Variants in SF3B3 observed in about 807,000 individuals in gnomAD.
SF3B3 encodes SAP 130.
SF3B3 carries 33 observed loss-of-function variants against 139.2 expected under a neutral mutation model. That is an observed-to-expected ratio of 0.24 (90% confidence interval 0.18 to 0.32). The LOEUF (loss-of-function observed/expected upper bound fraction) is 0.32. SF3B3 is among the 10% of genes least tolerant of loss of function. The pLI is 1.00. For synonymous variants in SF3B3, 596 were observed against 563.6 expected, an observed-to-expected ratio of 1.06 and a Z score of -0.81; for missense variants, 818 against 1,509.4, an observed-to-expected ratio of 0.54 and a Z score of 7.59.
At chr16:70,558,423 TTAATGTTTTATTA>T (rs2151790454) in intron 15 of SF3B3, among the ~76,000 whole-genome samples, 1 of 152,244 alleles carries the variant, frequency 6.6e-6, no homozygotes, top group Admixed American at 6.5e-5. Context: ...CTGGCCAGTT[TTAATGTTTTATTA>T]ACTCTGTATA....
intron 11 of SF3B3, chr16:70,554,241 G>T (rs972341091): frequency 7.2e-5 from 33 of 457,762 alleles, no homozygotes; most frequent in Admixed American, 2.3e-4. Context: ...TATTGAGGAA[G>T]CAGAGTATAT....
chr16:70,561,578 T>C lies in SF3B3; in HGVS notation c.2134-52T>C, dbSNP rs2050429337. 6 of 1,555,876 alleles carry C rather than the reference T, an allele frequency of 3.9e-6. No individual in the cohort carries two copies. The South Asian group carries it at 6.9e-5, about 18-fold the overall frequency. On this transcript the variant is annotated intron_variant, in intron 16 of 25. Coordinates refer to ENST00000302516, the MANE Select transcript of SF3B3 (RefSeq NM_012426.5). ...GGGCTTTTGGTCAGCTTATACCATA[T>C]TTGTATTTTTTCCCAAACCTTATTG...
chr16:70,551,348 A>G (rs1185179874), intron 11 of SF3B3, among the ~76,000 whole-genome samples: 1 of 152,160 alleles, frequency 6.6e-6, no homozygotes, highest in African/African-American at 2.4e-5. Flanking sequence ...TGCAGTGTGG[A>G]TGGTACAGTT....
At position 70,571,846 on chromosome 16, in the gene SF3B3, T is replaced by C. The variant is rs1206436372; in HGVS notation, c.*33T>C. 1.3e-6 allele frequency: 2 copies of C among 1,582,932 alleles called. No homozygotes were observed. Among genetic ancestry groups the C allele is most frequent in the Non-Finnish European group, 1.7e-6 (2 of 1,166,478 alleles). ...TTTCCCGGTGGGGCTTGCCAGAGACTGTGTGTTTTGTTTCCCCCACCACCA... is the reference window on the plus strand; with the variant it reads ...TTTCCCGGTGGGGCTTGCCAGAGACCGTGTGTTTTGTTTCCCCCACCACCA... On this transcript the variant is annotated 3_prime_UTR_variant, in exon 26 of 26. Transcript: ENST00000302516.
intron 13 of SF3B3, among the ~76,000 whole-genome samples, chr16:70,555,958 A>T (rs1408029572): frequency 6.6e-6 from 1 of 152,180 alleles, no homozygotes; most frequent in African/African-American, 2.4e-5. Flanking sequence ...TCTCTTATTG[A>T]TGGAAGATAC....
In SF3B3 at chr16:70,555,069, C is replaced by T; in HGVS notation, c.1573C>T (p.Arg525Trp). ...ALVQVYPDGI[R>W]HIRADKRVNE... ...ACTCTAGGTCTATCCAGATGGCATT[C>T]GGCACATACGAGCAGACAAGAGAGT... Residue 525 changes from arginine (R) to tryptophan (W), a missense_variant, in exon 13 of 26, where the codon CGG (arginine) becomes TGG (tryptophan). Physicochemically the swap from Arg to Trp is moderately radical, Grantham distance 101. This residue lies in a region of SF3B3 where 170 missense variants were observed against 353.0 expected (regional missense o/e 0.48). Coordinates refer to ENST00000302516, the MANE Select transcript of SF3B3 (RefSeq NM_012426.5). The T allele has an allele frequency of 6.2e-7, 1 of 1,613,910 alleles. No homozygotes were observed. The highest frequency in any genetic ancestry group is 8.5e-7 in the Non-Finnish European group (1 of 1,179,906).
chr16:70,559,759 T>C (rs1350494110), intron 15 of SF3B3, among the ~76,000 whole-genome samples: 1 of 150,968 alleles, frequency 6.6e-6, no homozygotes, highest in African/African-American at 2.4e-5. Context: ...ACATTTGTGC[T>C]GAAAACTCCT....
Position 70,567,486 on chromosome 16 carries a change from C to G in SF3B3, c.2902C>G (p.Arg968Gly), listed in dbSNP as rs2050487941. Residue 968 changes from arginine to glycine, a missense_variant, in exon 21 of 26, where the codon CGT (arginine) becomes GGT (glycine). Coordinates refer to ENST00000302516, the MANE Select transcript of SF3B3 (RefSeq NM_012426.5). ...RVLIGVGKLL[R>G]VYDLGKKKLL... ...GTTGATTGGTGTGGGGAAGCTGTTG[C>G]GTGTCTATGACCTGGGAAAGAAGAA... The G allele has an allele frequency of 6.2e-7, 1 of 1,613,760 alleles. No individual in the cohort carries two copies. Among genetic ancestry groups the G allele is most frequent in the African/African-American group, 1.3e-5 (1 of 74,836 alleles).
rs1304673694 is a variant in SF3B3 at position 70,572,606 on chromosome 16, A to G, written c.*793A>G. The G allele has an allele frequency of 6.5e-6, 1 of 154,766 alleles. No individual in the cohort carries two copies. The highest frequency in any genetic ancestry group is 1.4e-5 in the Non-Finnish European group (1 of 70,038). The allele number at this position is 154,766 out of a possible 1,614,324, so 9.6% of individuals were successfully genotyped here. ...AGGATGTTAGTATGGGGATTTTAGC[A>G]TGAATTCTAGCTGGGGAGTCTTAAC... On this transcript the variant is annotated 3_prime_UTR_variant, in exon 26 of 26. Transcript: ENST00000302516.
rs749691903 is a variant in SF3B3 at position 70,564,063 on chromosome 16, A to G, written c.2463+13A>G. On this transcript the variant is annotated intron_variant, in intron 18 of 25. Coordinates refer to ENST00000302516, the MANE Select transcript of SF3B3 (RefSeq NM_012426.5). Reference sequence around the variant, plus strand: ...GCAGATGGCAGAGGTAATGAGACTAACGTTCAGGGGTTCTATTAAAAGATG... The same window carrying G: ...GCAGATGGCAGAGGTAATGAGACTAGCGTTCAGGGGTTCTATTAAAAGATG... The G allele has an allele frequency of 5.6e-6, 9 of 1,612,014 alleles. No individual in the cohort carries two copies. Among genetic ancestry groups the G allele is most frequent in the Admixed American group, 5.0e-5 (3 of 59,676 alleles).
chr16:70,557,066 C>T (rs781642851), intron 15 of SF3B3, 37 bp downstream of exon 15: 1 of 1,557,484 alleles, frequency 6.4e-7, no homozygotes, highest in Non-Finnish European at 8.7e-7. Flanking sequence ...GGACATTAGG[C>T]CTTCTGTACG....
chr16:70,549,588 C>T (rs909007629), intron 11 of SF3B3, among the ~76,000 whole-genome samples: 3 of 152,070 alleles, frequency 2.0e-5, no homozygotes, highest in Non-Finnish European at 4.4e-5. Flanking sequence ...CTATTGTGTT[C>T]TTTCTTTTTT....
intron 20 of SF3B3, among the ~76,000 whole-genome samples, chr16:70,566,113 CA>C (rs112893145): frequency 0.06 from 7,000 of 117,284 alleles, 194 homozygotes; most frequent in Non-Finnish European, 0.081. Flanking sequence ...GTGAGACTGT[CA>C]AAAAAAAAAA....
intron 20 of SF3B3, 52 bp from the exon 21 acceptor site, chr16:70,567,359 C>G: frequency 1.3e-6 from 2 of 1,574,788 alleles, no homozygotes; most frequent in Non-Finnish European, 1.7e-6. Context: ...GAGGTGAGGC[C>G]TGTGTCTGGC....
intron 10 of SF3B3, among the ~76,000 whole-genome samples, chr16:70,547,390 T>A (rs2050278933): frequency 6.6e-6 from 1 of 152,216 alleles, no homozygotes; most frequent in Non-Finnish European, 1.5e-5. Flanking sequence ...TATAAAAAAA[T>A]TGCAAAGACA....
intron 1 of SF3B3, 63 bp from the exon 2 acceptor site, chr16:70,526,524 C>A: frequency 1.6e-6 from 1 of 627,866 alleles, no homozygotes. Context: ...CAGAATTTCC[C>A]ATACAGAAAT....
intron 11 of SF3B3, among the ~76,000 whole-genome samples, chr16:70,550,000 T>G (rs1241916583): frequency 1.3e-5 from 2 of 152,162 alleles, no homozygotes; most frequent in Non-Finnish European, 2.9e-5. Context: ...CAGGAAGTTA[T>G]AGGGGTTGAG....
At chr16:70,539,053 C>G in intron 7 of SF3B3, 51 bp from the exon 8 acceptor site, 1 of 1,265,338 alleles carries the variant, frequency 7.9e-7, no homozygotes, top group South Asian at 1.2e-5. Context: ...TCTTATAATA[C>G]GGGGCTCACT....
At position 70,570,140 on chromosome 16, in the gene SF3B3, G is replaced by A. The variant is rs199732910; in HGVS notation, c.3399G>A (p.Thr1133=). 11 of 1,614,028 alleles carry A rather than the reference G, an allele frequency of 6.8e-6. No homozygotes were observed. Among genetic ancestry groups the A allele is most frequent in the East Asian group, 2.2e-5 (1 of 44,872 alleles). ...SGGIGILVPF[T]SHEDHDFFQH... ...GAATTGGCATCCTTGTGCCATTCAC[G>A]TCCCATGAGGTGAGAGCGCCCACAT... The change falls in exon 24 of 26, where the codon ACG becomes ACA. Residue 1133 remains threonine, a synonymous_variant. Coordinates refer to ENST00000302516, the MANE Select transcript of SF3B3 (RefSeq NM_012426.5).
Sources: gnomAD v4.1 joint callset for allele counts (sites outside exome capture counted in the v4.1 genomes callset) on GRCh38, gnomAD v4.1.1 for gene constraint, gnomAD v4.1.1 regional missense constraint, MANE v1.5 for transcripts, NCBI Gene and HGNC (gene_info 2026-07-23, HGNC 2026-07-21) for gene names.